TMPRSS11D: variants seen among roughly 807,000 people sequenced by gnomAD.
TMPRSS11D encodes the protein transmembrane protease serine 11D.
A neutral mutation model predicts 44.4 loss-of-function variants in TMPRSS11D; 32 were observed. The ratio of observed to expected loss-of-function variants is 0.72; its 90% confidence interval spans 0.54 to 0.97. The LOEUF (loss-of-function observed/expected upper bound fraction) is 0.97. Ranked by LOEUF, TMPRSS11D falls within the 50% of genes least tolerant of loss-of-function variation. The pLI is 0.00. For synonymous variants in TMPRSS11D, 179 were observed against 177.9 expected (o/e 1.01, Z -0.05); for missense variants, 446 against 502.6 (o/e 0.89, Z 1.08).
At chr4:67,852,337 GA>G (rs1431672171) in intron 3 of TMPRSS11D, among the ~76,000 whole-genome samples, 12 of 152,132 alleles carry the variant, frequency 7.9e-5, no homozygotes, top group Admixed American at 5.2e-4. Flanking sequence ...GGGGCTCCGA[GA>G]AGAAAAGGGA....
rs58768044 is a variant in TMPRSS11D, at chr4:67,879,471, C to CAAA, written c.8+4452_8+4454dup. Among the ~76,000 whole-genome samples, 192 of 108,724 alleles carry CAAA rather than the reference C, an allele frequency of 1.8e-3. 2 individuals are homozygous for CAAA. Among genetic ancestry groups the CAAA allele is most frequent in the African/African-American group, 5.1e-3 (142 of 27,650 alleles). The allele number at this position is 108,724 out of a possible 152,430, so 71.3% of individuals were successfully genotyped here. A position where few individuals can be genotyped will look rare whatever the true frequency, so the allele number is the denominator to read the frequency against. The stretch of plus-strand genomic sequence containing the variant: ...TGGGCGACAGAGCGAGACTCCTTCT[C>CAAA]AAAAAAAAAAAAAAAAAAGAAAAGC... On this transcript the variant is annotated intron_variant, in intron 1 of 9. Coordinates refer to ENST00000283916, the MANE Select transcript of TMPRSS11D (RefSeq NM_004262.3).
rs115521944 is a variant in TMPRSS11D, at chr4:67,860,494, T to C, written c.9-816A>G. On this transcript the variant is annotated intron_variant, in intron 1 of 9. Coordinates refer to ENST00000283916, the MANE Select transcript of TMPRSS11D (RefSeq NM_004262.3). ...AAGGCTGTTTTGAAGATTAAGTGGG[T>C]CATGTTACGTGTTATAAAGTATATA... 1.6e-3 allele frequency: 246 copies of C among 152,138 alleles called. 1 individual carries two copies. The highest frequency in any genetic ancestry group is 5.6e-3 in the African/African-American group (233 of 41,516). 9.4% of individuals were successfully genotyped at this position (152,138 alleles called of 1,614,324 possible).
chr4:67,856,374 A>G (rs749367274), intron 2 of TMPRSS11D, among the ~76,000 whole-genome samples: 3 of 152,172 alleles, frequency 2.0e-5, no homozygotes, highest in Non-Finnish European at 2.9e-5. Context: ...AGAACAAACA[A>G]TGGGGAAAGC....
intron 1 of TMPRSS11D, among the ~76,000 whole-genome samples, chr4:67,877,383 A>G (rs1719217535): frequency 6.6e-6 from 1 of 152,126 alleles, no homozygotes; most frequent in African/African-American, 2.4e-5. Flanking sequence ...CACCCAGACT[A>G]TTTCAGTAGG....
intron 1 of TMPRSS11D, among the ~76,000 whole-genome samples, chr4:67,863,894 C>G (rs962015447): frequency 1.1e-4 from 17 of 151,952 alleles, no homozygotes; most frequent in Non-Finnish European, 2.1e-4. Flanking sequence ...GATTTTTCTG[C>G]CAGTAACTGT....
intron 8 of TMPRSS11D, among the ~76,000 whole-genome samples, chr4:67,826,760 G>GAAA (rs35777866): frequency 7.9e-6 from 1 of 125,880 alleles, no homozygotes; most frequent in Non-Finnish European, 1.6e-5. Flanking sequence ...CCTGTCTGTA[G>GAAA]AAAAAAAAAA....
chr4:67,825,128 T>C (rs948353436), intron 9 of TMPRSS11D, among the ~76,000 whole-genome samples: 3 of 152,028 alleles, frequency 2.0e-5, no homozygotes, highest in Non-Finnish European at 2.9e-5. Flanking sequence ...TAGGAGCTTT[T>C]GTGACTCAAA....
At chr4:67,837,299 C>A (rs1479301108) in intron 5 of TMPRSS11D, among the ~76,000 whole-genome samples, 1 of 152,130 alleles carries the variant, frequency 6.6e-6, no homozygotes, top group Non-Finnish European at 1.5e-5. Context: ...GCAATCAGGC[C>A]ATGGAGTTGG....
In TMPRSS11D at chr4:67,833,238, T is replaced by C. The variant is rs372779145; in HGVS notation, c.658A>G (p.Met220Val). ...HHCGGSLINN[M>V]WILTAAHCFR... ...CAGTGAGCTGCTGTCAGGATCCACA[T>C]GTTATTGATCAGGCTGCCTCCACAG... Residue 220 changes from methionine to valine, a missense_variant, in exon 7 of 10, where the codon ATG becomes GTG. Transcript: ENST00000283916. 1.9e-5 allele frequency: 30 copies of C among 1,558,608 alleles called. No homozygotes were observed. In the African/African-American group the frequency reaches 3.8e-4, roughly 19 times the overall value.
intron 3 of TMPRSS11D, among the ~76,000 whole-genome samples, chr4:67,852,304 G>A (rs6552125): frequency 0.35 from 53,429 of 152,190 alleles, 9,871 homozygotes; most frequent in Middle Eastern, 0.49. Flanking sequence ...ATTGGTGGGA[G>A]ATGAGCACTG....
chr4:67,825,625 G>T (rs879774352), intron 9 of TMPRSS11D, 107 bp downstream of exon 9: 29 of 1,195,920 alleles, frequency 2.4e-5, no homozygotes, highest in African/African-American at 4.6e-5. Flanking sequence ...AGAGGAACAG[G>T]GCTGTGTATT....
At chr4:67,841,159 T>C (rs886605444) in intron 4 of TMPRSS11D, among the ~76,000 whole-genome samples, 1 of 152,132 alleles carries the variant, frequency 6.6e-6, no homozygotes, top group African/African-American at 2.4e-5. Flanking sequence ...CATATATTCA[T>C]GTTTGGAGGC....
chr4:67,880,083 G>A (rs903241005), intron 1 of TMPRSS11D, among the ~76,000 whole-genome samples: 1 of 152,166 alleles, frequency 6.6e-6, no homozygotes, highest in African/African-American at 2.4e-5. Context: ...TCCGTGAATG[G>A]TGAAACCATG....
At chr4:67,827,226 T>A in intron 8 of TMPRSS11D, 35 bp downstream of exon 8, 1 of 1,561,438 alleles carries the variant, frequency 6.4e-7, no homozygotes, top group Non-Finnish European at 8.6e-7. Flanking sequence ...ATATAAGACA[T>A]TTCTATTGTT....
chr4:67,823,785 T>A (rs7662408), intron 9 of TMPRSS11D, among the ~76,000 whole-genome samples: 123,014 of 152,088 alleles, frequency 0.81, 50,398 homozygotes, highest in Middle Eastern at 0.91. Flanking sequence ...ATGCTTCAGT[T>A]AACCAGTTCT....
At chr4:67,845,908 A>G (rs953717905) in intron 3 of TMPRSS11D, among the ~76,000 whole-genome samples, 1 of 152,186 alleles carries the variant, frequency 6.6e-6, no homozygotes, top group African/African-American at 2.4e-5. Context: ...TGCACACAGG[A>G]TATCTATAAT....
intron 6 of TMPRSS11D, among the ~76,000 whole-genome samples, chr4:67,833,892 C>T (rs1010015549): frequency 1.3e-5 from 2 of 152,142 alleles, no homozygotes; most frequent in African/African-American, 4.8e-5. Context: ...AAACTGGTCT[C>T]ATCCAAAAGA....
chr4:67,822,480 G>A lies in TMPRSS11D; in HGVS notation c.1114C>T (p.Leu372=). ...DACQGDSGGP[L]VQEDSRRLWF... is the part of the protein sequence containing the mutation. ...AGCCGCCGTGAGTCTTCTTGTACTA[G>A]TGGGCCACCAGAGTCACCCTGTAAA... The change falls in exon 10 of 10, where the codon CTA becomes TTA. Residue 372 remains leucine (L), a synonymous_variant. Transcript: ENST00000283916. 6.2e-7 allele frequency: 1 copy of A among 1,613,876 alleles called. No individual in the cohort carries two copies. Among genetic ancestry groups the A allele is most frequent in the Non-Finnish European group, 8.5e-7 (1 of 1,179,856 alleles).
intron 1 of TMPRSS11D, among the ~76,000 whole-genome samples, chr4:67,879,354 G>C (rs377362755): frequency 6.6e-6 from 1 of 151,316 alleles, no homozygotes; most frequent in Non-Finnish European, 1.5e-5. Context: ...AGTGGTAGGC[G>C]CCTGTAGACC....
Sources: gnomAD v4.1 joint callset for allele counts (sites outside exome capture counted in the v4.1 genomes callset) on GRCh38, gnomAD v4.1.1 for gene constraint, MANE v1.5 for transcripts, NCBI Gene and HGNC (gene_info 2026-07-23, HGNC 2026-07-21) for gene names.